TENM2: variants seen among roughly 807,000 people sequenced by gnomAD.
The protein encoded by TENM2 is teneurin transmembrane protein 2, also known as teneurin-2.
In TENM2, 52 loss-of-function variants were observed where a neutral mutation model predicts 245.2. The ratio of observed to expected loss-of-function variants is 0.21; its 90% CI spans 0.17 to 0.27. The LOEUF (loss-of-function observed/expected upper bound fraction) is 0.27. Ranked by LOEUF, TENM2 falls within the 10% of genes least tolerant of loss-of-function variation. The pLI is 1.00. For missense variants in TENM2, 3,046 were observed against 3,666.8 expected (o/e 0.83, Z 4.37); for synonymous variants, 1,363 against 1,438.9 (o/e 0.95, Z 1.19).
intron 2 of TENM2, among the ~76,000 whole-genome samples, chr5:167,692,617 C>T (rs1171200447): frequency 1.3e-5 from 2 of 152,088 alleles, no homozygotes; most frequent in African/African-American, 4.8e-5. Context: ...AAATATATAC[C>T]TCCAAGCCAC....
At position 167,910,569 on chromosome 5, in the gene TENM2, G is replaced by C. The variant is rs115924199; in HGVS notation, c.712+34374G>C. The stretch of plus-strand genomic sequence containing the variant: ...GCATTTCTTTGTGGCTCCAAGATCC[G>C]AACTGTTCTTACACAAAAAAGACCC... On this transcript the variant is annotated intron_variant, in intron 3 of 28. Transcript: ENST00000518659. 8.9e-3 allele frequency among the ~76,000 whole-genome samples: 1,354 copies of C among 152,214 alleles called. 22 individuals are homozygous for C. The highest frequency in any genetic ancestry group is 0.03 in the African/African-American group (1,263 of 41,522).
chr5:167,724,818 C>G (rs1759877233), intron 2 of TENM2, among the ~76,000 whole-genome samples: 1 of 152,076 alleles, frequency 6.6e-6, no homozygotes, highest in Non-Finnish European at 1.5e-5. Flanking sequence ...GTTTGGGGAA[C>G]AGAAGGAAGA....
intron 6 of TENM2, among the ~76,000 whole-genome samples, chr5:168,050,560 C>A (rs187971652): frequency 6.6e-6 from 1 of 152,218 alleles, no homozygotes; most frequent in African/African-American, 2.4e-5. Context: ...AGGATAATCT[C>A]ATTAAGCAAT....
intron 27 of TENM2, among the ~76,000 whole-genome samples, chr5:168,250,095 G>A: frequency 2.6e-5 from 4 of 151,410 alleles, no homozygotes; most frequent in Admixed American, 2.6e-4. Flanking sequence ...TGGCTGGCTG[G>A]CTGGATGAGT....
intron 1 of TENM2, among the ~76,000 whole-genome samples, chr5:167,334,917 T>G (rs1561871029): frequency 1.3e-5 from 2 of 152,226 alleles, no homozygotes; most frequent in Non-Finnish European, 2.9e-5. Flanking sequence ...TTGATGATAT[T>G]TAACTCAAAT....
chr5:167,389,171 T>A (rs10078588), intron 2 of TENM2, among the ~76,000 whole-genome samples: 92,281 of 151,030 alleles, frequency 0.61, 30,109 homozygotes, highest in African/African-American at 0.86. Context: ...TATGCATTAT[T>A]TATAGATATA....
intron 2 of TENM2, among the ~76,000 whole-genome samples, chr5:167,400,194 C>T (rs1022284635): frequency 6.6e-6 from 1 of 151,936 alleles, no homozygotes; most frequent in African/African-American, 2.4e-5. Context: ...AGGACTTGAA[C>T]CAGAAGGAGG....
intron 2 of TENM2, among the ~76,000 whole-genome samples, chr5:167,562,296 T>C (rs917896072): frequency 2.0e-5 from 3 of 151,724 alleles, no homozygotes; most frequent in Non-Finnish European, 2.9e-5. Context: ...GAGAATCTAG[T>C]TGGGCAAAGA....
intron 2 of TENM2, among the ~76,000 whole-genome samples, chr5:167,774,801 A>T (rs566408051): frequency 2.0e-5 from 3 of 152,294 alleles, no homozygotes; most frequent in Non-Finnish European, 2.9e-5. Flanking sequence ...AGCAAGCCTG[A>T]GTCCCCATGC....
chr5:166,996,126 C>T, the TENM2 span, among the ~76,000 whole-genome samples: 2 of 151,878 alleles, frequency 1.3e-5, no homozygotes, highest in East Asian at 3.9e-4. Context: ...GACAGATCAC[C>T]AGGTCAGGAG....
At chr5:167,659,896 G>T (rs10516035) in intron 2 of TENM2, among the ~76,000 whole-genome samples, 8,385 of 152,172 alleles carry the variant, frequency 0.055, 762 homozygotes, top group African/African-American at 0.19. Context: ...TCTCAAATTA[G>T]TAAGTTGCAT....
At chr5:167,511,328 G>A (rs774569652) in intron 2 of TENM2, among the ~76,000 whole-genome samples, 10 of 152,042 alleles carry the variant, frequency 6.6e-5, no homozygotes, top group Non-Finnish European at 1.2e-4. Flanking sequence ...AAGGTAAAAC[G>A]TGAGGCCTTT....
At chr5:167,029,613 G>A in the TENM2 span, among the ~76,000 whole-genome samples, 3 of 152,092 alleles carry the variant, frequency 2.0e-5, no homozygotes, top group Admixed American at 6.6e-5. Flanking sequence ...GGCTAATCTC[G>A]GTTTCATCAT....
chr5:167,525,165 G>A (rs1771024827), intron 2 of TENM2, among the ~76,000 whole-genome samples: 1 of 152,038 alleles, frequency 6.6e-6, no homozygotes, highest in Admixed American at 6.6e-5. Context: ...CAACCCTGCA[G>A]AACATCAGAA....
At chr5:167,834,601 C>A (rs1369855663) in intron 2 of TENM2, among the ~76,000 whole-genome samples, 1 of 150,728 alleles carries the variant, frequency 6.6e-6, no homozygotes, top group African/African-American at 2.4e-5. Flanking sequence ...GTTCAACTGC[C>A]ATAAACTGGG....
intron 2 of TENM2, among the ~76,000 whole-genome samples, chr5:167,862,566 C>A (rs1239057490): frequency 6.6e-6 from 1 of 152,218 alleles, no homozygotes; most frequent in African/African-American, 2.4e-5. Flanking sequence ...TTTCTCCCTT[C>A]ATGCTTCTTT....
chr5:167,974,015 G>GGGAGGGAGGAAGGAAGGGAGGAAA (rs1782021633), intron 4 of TENM2, among the ~76,000 whole-genome samples: 1 of 72,920 alleles, frequency 1.4e-5, no homozygotes, highest in Non-Finnish European at 2.2e-5. Context: ...GAGGGAGGGA[G>GGGAGGGAGGAAGGAAGGGAGGAAA]GGAGGGAGGA....
intron 3 of TENM2, among the ~76,000 whole-genome samples, chr5:167,887,217 T>C (rs969296677): frequency 2.6e-5 from 4 of 152,242 alleles, no homozygotes; most frequent in South Asian, 2.1e-4. Flanking sequence ...TGATTTGTAA[T>C]ATTCTCTTGG....
At chr5:167,902,667 G>A (rs976223800) in intron 3 of TENM2, among the ~76,000 whole-genome samples, 1 of 152,130 alleles carries the variant, frequency 6.6e-6, no homozygotes, top group African/African-American at 2.4e-5. Flanking sequence ...CCGACTCATC[G>A]AGAATGAGAC....
Sources: allele counts gnomAD v4.1 joint callset (sites outside exome capture counted in the v4.1 genomes callset), GRCh38; gene constraint gnomAD v4.1.1; transcripts MANE v1.5; gene names NCBI Gene and HGNC (gene_info 2026-07-23, HGNC 2026-07-21).